Variants in ACCSL observed in about 807,000 individuals in gnomAD.
ACCSL encodes 1-aminocyclopropane-1-carboxylate synthase homolog (inactive) like.
ACCSL carries 55 observed loss-of-function variants against 61.7 expected under a neutral mutation model. The observed-to-expected ratio is 0.89, with a 90% CI of 0.72 to 1.12. The LOEUF is 1.12. ACCSL is among the 50% of genes most tolerant of loss of function. ACCSL has a pLI of 0.00. For synonymous variants in ACCSL, 258 were observed against 264.3 expected, an observed-to-expected ratio of 0.98 and a Z score of 0.23; for missense variants, 632 against 698.0, an observed-to-expected ratio of 0.91 and a Z score of 1.07.
chr11:43,973,607 G>A, the ACCSL span, among the ~76,000 whole-genome samples: 6 of 152,164 alleles, frequency 3.9e-5, no homozygotes, highest in African/African-American at 1.4e-4. Context: ...AGCGTAATTT[G>A]ATTGCATTAA....
chr11:44,051,583 G>T (rs1263044228), intron 4 of ACCSL, 70 bp from the exon 5 acceptor site: 3 of 1,597,782 alleles, frequency 1.9e-6, no homozygotes, highest in Non-Finnish European at 2.6e-6. Flanking sequence ...CAGGGGGATG[G>T]AGAAAGCATG....
the ACCSL span, among the ~76,000 whole-genome samples, chr11:43,951,718 G>A: frequency 6.6e-6 from 1 of 152,320 alleles, no homozygotes; most frequent in African/African-American, 2.4e-5. Context: ...AAATTACATT[G>A]TAGGGCTGGA....
At chr11:44,021,150 G>A in the ACCSL span, among the ~76,000 whole-genome samples, 1 of 152,052 alleles carries the variant, frequency 6.6e-6, no homozygotes, top group African/African-American at 2.4e-5. Context: ...TGGGATTGAT[G>A]GATCAAATGG....
At chr11:44,032,122 G>A in the ACCSL span, among the ~76,000 whole-genome samples, 1 of 152,200 alleles carries the variant, frequency 6.6e-6, no homozygotes, top group Non-Finnish European at 1.5e-5. Context: ...TCACAATTCT[G>A]TTGCTGAATG....
chr11:44,026,471 T>G, the ACCSL span, among the ~76,000 whole-genome samples: 1 of 152,244 alleles, frequency 6.6e-6, no homozygotes, highest in African/African-American at 2.4e-5. Flanking sequence ...CTTCTTTTAG[T>G]TATTTGACTA....
At chr11:43,924,334 C>T in the ACCSL span, among the ~76,000 whole-genome samples, 3 of 152,242 alleles carry the variant, frequency 2.0e-5, no homozygotes, top group African/African-American at 4.8e-5. Context: ...CGTCCCCCAG[C>T]CCTGGCCCTG....
At chr11:43,962,145 G>T in the ACCSL span, among the ~76,000 whole-genome samples, 1 of 151,954 alleles carries the variant, frequency 6.6e-6, no homozygotes, top group South Asian at 2.1e-4. Context: ...AACAATCTTT[G>T]CCCTAAGAAA....
intron 11 of ACCSL, among the ~76,000 whole-genome samples, chr11:44,057,684 TCCCTGC>T (rs1309219410): frequency 6.7e-6 from 1 of 150,184 alleles, no homozygotes; most frequent in Non-Finnish European, 1.5e-5. Context: ...GAGCTGCGAG[TCCCTGC>T]TGCTTGCCCA....
At chr11:44,049,627 G>A (rs988330558) in intron 1 of ACCSL, among the ~76,000 whole-genome samples, 10 of 152,118 alleles carry the variant, frequency 6.6e-5, no homozygotes, top group African/African-American at 2.4e-4. Context: ...AGCAGAGGTA[G>A]GTGCCAGATG....
the ACCSL span, among the ~76,000 whole-genome samples, chr11:44,035,291 T>C: frequency 6.6e-6 from 1 of 152,024 alleles, no homozygotes; most frequent in East Asian, 1.9e-4. Flanking sequence ...CCGTCTCTCT[T>C]CCCAGCACCT....
At chr11:44,032,385 C>T in the ACCSL span, among the ~76,000 whole-genome samples, 1 of 152,220 alleles carries the variant, frequency 6.6e-6, no homozygotes, top group Non-Finnish European at 1.5e-5. Flanking sequence ...TGAAGCACGT[C>T]ACATGGCCAA....
chr11:44,050,376 G>T (rs1268160266), intron 2 of ACCSL, among the ~76,000 whole-genome samples, 176 bp from the exon 3 acceptor site: 2 of 152,206 alleles, frequency 1.3e-5, no homozygotes, highest in Non-Finnish European at 2.9e-5. Context: ...ATCTACTTGT[G>T]TAATTTATGA....
At chr11:43,942,056 G>T in the ACCSL span, among the ~76,000 whole-genome samples, 1 of 150,880 alleles carries the variant, frequency 6.6e-6, no homozygotes, top group Admixed American at 6.6e-5. Flanking sequence ...GTGTGTGTGT[G>T]TGTGTGTGTG....
the ACCSL span, among the ~76,000 whole-genome samples, chr11:43,952,025 T>G: frequency 2.0e-4 from 30 of 152,168 alleles, no homozygotes; most frequent in South Asian, 1.9e-3. Flanking sequence ...AAAAGTACAT[T>G]GTAGATTGTA....
At chr11:43,943,533 A>C in the ACCSL span, 2 of 1,326,494 alleles carry the variant, frequency 1.5e-6, no homozygotes, top group Non-Finnish European at 2.0e-6. The surrounding 1 kb of genome is among the most constrained non-coding windows in gnomAD (Gnocchi z 4.8). Flanking sequence ...CCCAGTGCGA[A>C]CTCTGCTGTG....
the ACCSL span, among the ~76,000 whole-genome samples, chr11:44,040,053 AG>A: frequency 6.6e-5 from 10 of 152,238 alleles, no homozygotes; most frequent in Non-Finnish European, 1.2e-4. Context: ...CCACACAGGC[AG>A]GGGGGCCTGG....
the ACCSL span, among the ~76,000 whole-genome samples, chr11:44,034,261 G>T: frequency 1.1e-4 from 17 of 152,300 alleles, no homozygotes; most frequent in Admixed American, 1.3e-4. Flanking sequence ...CAGAGACTGG[G>T]TCAGCGAGGC....
chr11:43,987,637 G>T, the ACCSL span, among the ~76,000 whole-genome samples: 3 of 152,138 alleles, frequency 2.0e-5, no homozygotes, highest in African/African-American at 7.2e-5. Flanking sequence ...CCACTCCCTG[G>T]CTGGCTCTGC....
At chr11:43,974,836 A>G in the ACCSL span, among the ~76,000 whole-genome samples, 1 of 152,176 alleles carries the variant, frequency 6.6e-6, no homozygotes, top group African/African-American at 2.4e-5. Context: ...GACTACAGCC[A>G]TGGCCAACAT....
Sources: allele counts gnomAD v4.1 joint callset (sites outside exome capture counted in the v4.1 genomes callset), GRCh38; gene constraint gnomAD v4.1.1; non-coding constraint Gnocchi (gnomAD v3.1); transcripts MANE v1.5; gene names NCBI Gene and HGNC (gene_info 2026-07-23, HGNC 2026-07-21).